Variants in ABR observed in about 807,000 individuals in gnomAD.
The protein encoded by ABR is ABR activator of RhoGEF and GTPase.
Under a neutral mutation model 107.2 loss-of-function variants are expected in ABR, and 35 were observed. The ratio of observed to expected loss-of-function variants is 0.33; its 90% CI spans 0.25 to 0.43. The LOEUF (loss-of-function observed/expected upper bound fraction) is 0.43. Ranked by LOEUF, ABR falls within the 20% of genes least tolerant of loss-of-function variation. The probability of loss-of-function intolerance (pLI) is 1.00; values close to 1 mark genes in which losing one functional copy is unlikely to be tolerated. For synonymous variants in ABR, 498 were observed against 462.0 expected (o/e 1.08, Z -1.00); for missense variants, 815 against 1,115.2 (o/e 0.73, Z 3.83).
At chr17:1,075,992 A>G (rs2035674907) in intron 6 of ABR, among the ~76,000 whole-genome samples, 1 of 152,224 alleles carries the variant, frequency 6.6e-6, no homozygotes, top group Non-Finnish European at 1.5e-5. Flanking sequence ...CAGTGAGCTG[A>G]GATTGCGCCA....
At chr17:1,153,400 TGCGGGAGGGCTGGGGGTCCAGGCAC>T in intron 1 of ABR, among the ~76,000 whole-genome samples, 1 of 149,334 alleles carries the variant, frequency 6.7e-6, no homozygotes, top group African/African-American at 2.5e-5. Flanking sequence ...CAGGCACACC[TGCGGGAGGGCTGGGGGTCCAGGCAC>T]ACCTGCGGGA....
At chr17:1,068,467 G>C (rs984617947) in intron 9 of ABR, among the ~76,000 whole-genome samples, 2 of 152,218 alleles carry the variant, frequency 1.3e-5, no homozygotes, top group African/African-American at 4.8e-5. Context: ...CAACCAGGGA[G>C]GGCTGAAGGG....
chr17:1,203,381 C>A (rs1485336289), intron 1 of ABR, among the ~76,000 whole-genome samples: 1 of 53,816 alleles, frequency 1.9e-5, no homozygotes, highest in Admixed American at 1.6e-4. Context: ...GGGGCGGGGC[C>A]TTGAGGGGGC....
intron 10 of ABR, among the ~76,000 whole-genome samples, chr17:1,062,722 G>A (rs868519328): frequency 2.7e-3 from 394 of 145,836 alleles, no homozygotes; most frequent in African/African-American, 9.4e-3. Flanking sequence ...GTGAACTGAG[G>A]GCTATGCATG....
Position 1,005,038 on chromosome 17 carries a change from C to A in ABR, c.*1042G>T, listed in dbSNP as rs2069919540. On this transcript the variant is annotated 3_prime_UTR_variant, in exon 23 of 23. Transcript: ENST00000302538. Reference sequence around the variant, plus strand: ...AGCCTGGCCCCTCTTGAAAAGCCCCCACAACTTGCTCCTAAGAGCTGAGCT... The same window carrying A: ...AGCCTGGCCCCTCTTGAAAAGCCCCAACAACTTGCTCCTAAGAGCTGAGCT... The A allele has an allele frequency of 1.3e-5, 5 of 399,098 alleles. No homozygotes were observed. In the Middle Eastern group the frequency reaches 1.9e-3, roughly 151 times the overall value. The allele number at this position is 399,098 out of a possible 1,614,324, so 24.7% of individuals were successfully genotyped here.
intron 2 of ABR, among the ~76,000 whole-genome samples, 164 bp downstream of exon 2, chr17:1,125,019 A>G (rs1351012739): frequency 1.4e-5 from 2 of 142,798 alleles, no homozygotes; most frequent in African/African-American, 6.1e-5. Flanking sequence ...CGAGCCTGAG[A>G]GGGGTCCAGG....
At chr17:1,125,982 C>T (rs1272633986) in intron 1 of ABR, among the ~76,000 whole-genome samples, 1 of 152,180 alleles carries the variant, frequency 6.6e-6, no homozygotes, top group African/African-American at 2.4e-5. Context: ...CAGGGGCTCA[C>T]AGCAGACTCC....
At chr17:1,068,850 A>G (rs999299793) in intron 9 of ABR, among the ~76,000 whole-genome samples, 2 of 152,216 alleles carry the variant, frequency 1.3e-5, no homozygotes, top group East Asian at 1.9e-4. Context: ...TCTCTCATCT[A>G]TGATTAGGGA....
chr17:1,082,476 G>A (rs1411393267), intron 5 of ABR, among the ~76,000 whole-genome samples: 17 of 149,446 alleles, frequency 1.1e-4, no homozygotes, highest in African/African-American at 3.2e-4. Flanking sequence ...GTGTGCTCCC[G>A]GCCAGGTAGG....
intron 1 of ABR, among the ~76,000 whole-genome samples, chr17:1,226,501 GTGCATGTGTGTGCATGCA>G (rs2043218032): frequency 6.9e-6 from 1 of 145,040 alleles, no homozygotes; most frequent in African/African-American, 2.8e-5. Flanking sequence ...ACGTGTAGGT[GTGCATGTGTGTGCATGCA>G]TGTATGTGAC....
intron 1 of ABR, among the ~76,000 whole-genome samples, chr17:1,165,135 G>A (rs1395503316): frequency 6.6e-6 from 1 of 152,226 alleles, no homozygotes; most frequent in Non-Finnish European, 1.5e-5. Context: ...CTAAGCAGGT[G>A]TTCAAAGACC....
intron 10 of ABR, among the ~76,000 whole-genome samples, chr17:1,063,849 C>T (rs1240441353): frequency 1.4e-5 from 2 of 146,828 alleles, no homozygotes; most frequent in Non-Finnish European, 3.0e-5. Context: ...GCATGTTCCT[C>T]TAGCACTGCT....
rs1004719955 is a variant in ABR at position 1,006,042 on chromosome 17, C to T, written c.*38G>A. Reference sequence around the variant, plus strand: ...TGAGTTGGACCCCAGGCTGGAGGGGCTGGTTCCACCACCCGCCCGCAGCCA... The same window carrying T: ...TGAGTTGGACCCCAGGCTGGAGGGGTTGGTTCCACCACCCGCCCGCAGCCA... On this transcript the variant is annotated 3_prime_UTR_variant, in exon 23 of 23. Coordinates refer to ENST00000302538, the MANE Select transcript of ABR (RefSeq NM_021962.5). 6.0e-6 allele frequency: 9 copies of T among 1,509,548 alleles called. No individual in the cohort carries two copies. The African/African-American group carries it at 1.2e-4, about 21-fold the overall frequency. 93.5% of individuals were successfully genotyped at this position (1,509,548 alleles called of 1,614,324 possible).
rs79335790 is a variant in ABR, at chr17:1,012,728, G to C, written c.1921C>G (p.Gln641Glu). 3 of 1,596,780 alleles carry C rather than the reference G, an allele frequency of 1.9e-6. No individual in the cohort carries two copies. Among genetic ancestry groups the C allele is most frequent in the East Asian group, 4.5e-5 (2 of 44,424 alleles). Residue 641 changes from glutamine (Q) to glutamate (E), a missense_variant, in exon 18 of 23, where the codon CAG becomes GAG. Gln to Glu is a conservative substitution (Grantham distance 29). Transcript: ENST00000302538. ...MSLKRTPSKK[Q>E]TGVFGVKISV... ...ATCTTCACACCGAAGACGCCGGTCTGCTTTTTGGACGGGGTCCTCTTCAGG... is the reference window on the plus strand; with the variant it reads ...ATCTTCACACCGAAGACGCCGGTCTCCTTTTTGGACGGGGTCCTCTTCAGG...
chr17:1,076,761 A>ATACGGAG (rs2035771313), intron 6 of ABR, among the ~76,000 whole-genome samples: 1 of 146,488 alleles, frequency 6.8e-6, no homozygotes, highest in Admixed American at 6.8e-5. Flanking sequence ...ACCACATCAG[A>ATACGGAG]TACGGAGGGA....
chr17:1,146,290 C>CACAG (rs1283650061), intron 1 of ABR, among the ~76,000 whole-genome samples: 6 of 151,208 alleles, frequency 4.0e-5, no homozygotes, highest in African/African-American at 1.5e-4. Context: ...CACACACACA[C>CACAG]ACACACATCA....
intron 1 of ABR, among the ~76,000 whole-genome samples, chr17:1,175,880 A>G (rs35223586): frequency 0.3 from 45,098 of 151,966 alleles, 8,494 homozygotes; most frequent in Non-Finnish European, 0.43. Context: ...TCACGAGGTC[A>G]GGAGATCGAG....
chr17:1,086,651 C>T (rs1037502783), intron 4 of ABR, among the ~76,000 whole-genome samples: 152 of 152,168 alleles, frequency 1.0e-3, no homozygotes, highest in African/African-American at 3.5e-3. Context: ...CAGGCACGCA[C>T]CACCACACCC....
At chr17:1,168,243 G>T (rs1464993163) in intron 1 of ABR, among the ~76,000 whole-genome samples, 1 of 152,150 alleles carries the variant, frequency 6.6e-6, no homozygotes, top group South Asian at 2.1e-4. Flanking sequence ...CACTGCAGAG[G>T]TTGTGGAGAT....
Sources: gnomAD v4.1 joint callset for allele counts (sites outside exome capture counted in the v4.1 genomes callset) on GRCh38, gnomAD v4.1.1 for gene constraint, MANE v1.5 for transcripts, NCBI Gene and HGNC (gene_info 2026-07-23, HGNC 2026-07-21) for gene names.